Variants in MAP3K20 observed in about 807,000 individuals in gnomAD.
MAP3K20 encodes the protein HCCS-4.
In MAP3K20, 40 loss-of-function variants were observed where a neutral mutation model predicts 85.7. That is an observed-to-expected ratio of 0.47 (90% confidence interval 0.36 to 0.61). The LOEUF (loss-of-function observed/expected upper bound fraction) is 0.61. MAP3K20 is among the 20% of genes least tolerant of loss of function. The pLI, the probability that MAP3K20 is intolerant of heterozygous loss-of-function variation, is 0.00. For missense variants in MAP3K20, 817 were observed against 961.7 expected, an observed-to-expected ratio of 0.85 and a Z score of 1.99; for synonymous variants, 325 against 327.7, an observed-to-expected ratio of 0.99 and a Z score of 0.09.
chr2:173,147,583 T>G (rs1689171133), intron 2 of MAP3K20, among the ~76,000 whole-genome samples: 1 of 152,106 alleles, frequency 6.6e-6, no homozygotes. Context: ...ACCAACAAAC[T>G]CCAGCCTTTT....
intron 16 of MAP3K20, among the ~76,000 whole-genome samples, chr2:173,257,058 G>A (rs1227502790): frequency 6.6e-6 from 1 of 152,094 alleles, no homozygotes; most frequent in Non-Finnish European, 1.5e-5. Context: ...CAGCTACTTA[G>A]GAGCCTGAGG....
chr2:173,162,127 CAAT>C (rs1689678298), intron 2 of MAP3K20, among the ~76,000 whole-genome samples: 4 of 149,878 alleles, frequency 2.7e-5, no homozygotes, highest in East Asian at 5.7e-4. Context: ...TAGATGACCA[CAAT>C]AATGTTTTCT....
chr2:173,110,195 TTATACATATATATATATATATATATATA>T (rs1270120761), intron 2 of MAP3K20, among the ~76,000 whole-genome samples: 737 of 72,424 alleles, frequency 0.01, 17 homozygotes, highest in African/African-American at 0.033. Context: ...ATAATATATG[TTATACATATATATATATATATATATATA>T]TATATATATA....
At position 173,267,333 on chromosome 2, in the gene MAP3K20, T is replaced by A. The variant is rs1354373362; in HGVS notation, c.*583T>A. The A allele has an allele frequency of 6.6e-6, 1 of 152,200 alleles. No individual in the cohort carries two copies. 9.4% of individuals were successfully genotyped at this position (152,200 alleles called of 1,614,324 possible). A position where few individuals can be genotyped will look rare whatever the true frequency, so the allele number is the denominator to read the frequency against. Reference sequence around the variant, plus strand: ...CTTTTTTCTTTTCTTTCTTTCCCCCTCTTTTTTTTGGATGTCCCCTTAAAT... The same window carrying A: ...CTTTTTTCTTTTCTTTCTTTCCCCCACTTTTTTTTGGATGTCCCCTTAAAT... On this transcript the variant is annotated 3_prime_UTR_variant, in exon 20 of 20. Coordinates refer to ENST00000375213, the MANE Select transcript of MAP3K20 (RefSeq NM_016653.3).
At chr2:173,170,610 C>A (rs912896288) in intron 3 of MAP3K20, among the ~76,000 whole-genome samples, 10 of 151,890 alleles carry the variant, frequency 6.6e-5, no homozygotes, top group Non-Finnish European at 1.2e-4. Flanking sequence ...ACAAGAAAAC[C>A]TTTAAGTATT....
intron 1 of MAP3K20, among the ~76,000 whole-genome samples, chr2:173,080,796 T>A (rs1219641780): frequency 6.6e-6 from 1 of 152,206 alleles, no homozygotes; most frequent in Non-Finnish European, 1.5e-5. Flanking sequence ...CTGCTTTGAG[T>A]ATAAGTGTTT....
At chr2:173,076,116 A>G (rs1573990713) in intron 1 of MAP3K20, 114 bp downstream of exon 1, 10 of 823,840 alleles carry the variant, frequency 1.2e-5, no homozygotes, top group Non-Finnish European at 1.5e-5. Flanking sequence ...CCGGGAGTCT[A>G]GGCGGCCTCG....
At chr2:173,219,322 T>C (rs1379258484) in intron 11 of MAP3K20, among the ~76,000 whole-genome samples, 2 of 152,240 alleles carry the variant, frequency 1.3e-5, no homozygotes, top group Non-Finnish European at 2.9e-5. Flanking sequence ...CTATTTTCTT[T>C]CCTAAAACTA....
At chr2:173,161,417 T>C (rs1042359410) in intron 2 of MAP3K20, among the ~76,000 whole-genome samples, 1 of 152,256 alleles carries the variant, frequency 6.6e-6, no homozygotes, top group Non-Finnish European at 1.5e-5. Flanking sequence ...CCCGGCATTT[T>C]ACTCTTCTCA....
chr2:173,153,373 T>TGG (rs1487344632), intron 2 of MAP3K20, among the ~76,000 whole-genome samples: 1 of 152,240 alleles, frequency 6.6e-6, no homozygotes, highest in Non-Finnish European at 1.5e-5. Flanking sequence ...TCCATCCTCA[T>TGG]GGCCTGAAAG....
rs577234315 is a variant in MAP3K20, at chr2:173,139,416, A to G, written c.160-30389A>G. On this transcript the variant is annotated intron_variant, in intron 2 of 19. Coordinates refer to ENST00000375213, the MANE Select transcript of MAP3K20 (RefSeq NM_016653.3). ...ATCTTTGGGAAACTGACTATTAGAAAGTTCTTCTCTGAGTTATTCTGAGTC... is the reference window on the plus strand; with the variant it reads ...ATCTTTGGGAAACTGACTATTAGAAGGTTCTTCTCTGAGTTATTCTGAGTC... Among the ~76,000 whole-genome samples the G allele has an allele frequency of 2.0e-4, 31 of 152,306 alleles. 2 individuals are homozygous for G. In the South Asian group the frequency reaches 6.2e-3, roughly 31 times the overall value.
intron 17 of MAP3K20, 138 bp downstream of exon 17, chr2:173,258,953 CATTTT>C (rs1685225202): frequency 2.0e-6 from 1 of 506,292 alleles, no homozygotes; most frequent in Non-Finnish European, 3.5e-6. Flanking sequence ...TTGAAAGGCA[CATTTT>C]ATTTAGCAGA....
chr2:173,109,824 A>T (rs147610312), intron 2 of MAP3K20, among the ~76,000 whole-genome samples: 108 of 152,320 alleles, frequency 7.1e-4, no homozygotes, highest in Middle Eastern at 6.8e-3. Context: ...GAATTCTTTC[A>T]ATTCACATAG....
chr2:173,152,162 A>G (rs1288191803), intron 2 of MAP3K20, among the ~76,000 whole-genome samples: 3 of 152,158 alleles, frequency 2.0e-5, no homozygotes, highest in African/African-American at 4.8e-5. Context: ...CAGTTCAGCA[A>G]TGACCTTCTG....
chr2:173,096,633 C>T (rs528460566), intron 2 of MAP3K20, among the ~76,000 whole-genome samples: 23 of 152,226 alleles, frequency 1.5e-4, no homozygotes, highest in African/African-American at 2.6e-4. Context: ...CCACTGCACC[C>T]GGCCAATCTA....
chr2:173,086,855 ACTC>A (rs1366494228), intron 1 of MAP3K20, among the ~76,000 whole-genome samples: 9 of 151,800 alleles, frequency 5.9e-5, no homozygotes, highest in Non-Finnish European at 4.4e-5. Context: ...GGATTTCTCT[ACTC>A]CTCCTTCTTC....
chr2:173,079,891 T>A (rs1206293172), intron 1 of MAP3K20, among the ~76,000 whole-genome samples: 2 of 130,600 alleles, frequency 1.5e-5, no homozygotes, highest in Non-Finnish European at 3.1e-5. Flanking sequence ...GTTAATTTTC[T>A]TTTTTTTTTT....
intron 4 of MAP3K20, among the ~76,000 whole-genome samples, chr2:173,186,258 T>C (rs1208300445): frequency 6.6e-6 from 1 of 151,894 alleles, no homozygotes; most frequent in East Asian, 1.9e-4. Context: ...TGAAAAATTA[T>C]TCAGGAATTT....
chr2:173,127,900 A>G (rs1220832156), intron 2 of MAP3K20, among the ~76,000 whole-genome samples: 2 of 152,208 alleles, frequency 1.3e-5, no homozygotes, highest in African/African-American at 4.8e-5. Flanking sequence ...AATTATTGCC[A>G]GGACGCAGGT....
Sources: allele counts gnomAD v4.1 joint callset (sites outside exome capture counted in the v4.1 genomes callset), GRCh38; gene constraint gnomAD v4.1.1; transcripts MANE v1.5; gene names NCBI Gene and HGNC (gene_info 2026-07-23, HGNC 2026-07-21).